Variants in ADAMTSL1 observed in about 807,000 individuals in gnomAD.
ADAMTSL1 encodes the protein ADAMTS like 1.
In ADAMTSL1, 126 loss-of-function variants were observed where a neutral mutation model predicts 201.8. The ratio of observed to expected loss-of-function variants is 0.62; its 90% CI spans 0.54 to 0.72. The LOEUF (loss-of-function observed/expected upper bound fraction) is 0.72. Among genes scored for constraint, ADAMTSL1 ranks in the 30% least tolerant of loss-of-function variants. The pLI is 0.00. For synonymous variants in ADAMTSL1, 1,121 were observed against 903.4 expected, an observed-to-expected ratio of 1.24 and a Z score of -4.32; for missense variants, 2,679 against 2,277.8, an observed-to-expected ratio of 1.18 and a Z score of -3.59.
At chr9:18,737,319 C>CAAAAAAAAAA (rs59511409) in intron 15 of ADAMTSL1, among the ~76,000 whole-genome samples, 4 of 53,670 alleles carry the variant, frequency 7.5e-5, no homozygotes, top group East Asian at 6.2e-4. Context: ...AACTCTGTCT[C>CAAAAAAAAAA]AAAAAAAAAA....
rs1470837404 is a variant in ADAMTSL1 at position 17,973,016 on chromosome 9, T to G, written c.87+66094T>G. The stretch of plus-strand genomic sequence containing the variant: ...ACCCACTTTTTGATGGGGTTGTTTG[T>G]TTTTTTCTTGTAAATTTGTTTGAGT... On this transcript the variant is annotated intron_variant, in intron 1 of 29. Transcript: ENST00000680146. 2.1e-5 allele frequency among the ~76,000 whole-genome samples: 3 copies of G among 145,770 alleles called. No individual in the cohort carries two copies. In the Admixed American group the frequency reaches 2.1e-4, roughly 10 times the overall value.
chr9:17,957,279 C>A (rs1827968195), intron 1 of ADAMTSL1, among the ~76,000 whole-genome samples: 2 of 152,122 alleles, frequency 1.3e-5, no homozygotes, highest in South Asian at 4.2e-4. Context: ...GAGTTGACTC[C>A]CCAGAATTCT....
intron 4 of ADAMTSL1, among the ~76,000 whole-genome samples, chr9:18,594,467 G>A (rs1343710604): frequency 6.6e-6 from 1 of 151,916 alleles, no homozygotes; most frequent in Non-Finnish European, 1.5e-5. Context: ...TCAAATATTT[G>A]CTTTTTGATG....
At chr9:18,699,193 G>A (rs184588549) in intron 13 of ADAMTSL1, among the ~76,000 whole-genome samples, 2 of 152,250 alleles carry the variant, frequency 1.3e-5, no homozygotes, top group Admixed American at 6.5e-5. Context: ...AGACATTCAG[G>A]CATTCTTGCA....
Position 18,746,743 on chromosome 9 carries a change from C to T in ADAMTSL1, c.2007-6555C>T, listed in dbSNP as rs1819168088. ...GAGCAGAGGAGCAAAACCTTGGCAA[C>T]TCACATAATGAGCCCTTGTCCAAAG... is the stretch of plus-strand genomic sequence containing the variant. On this transcript the variant is annotated intron_variant, in intron 15 of 28. Transcript: ENST00000380548. Among the ~76,000 whole-genome samples the T allele has an allele frequency of 2.0e-5, 3 of 146,946 alleles. No individual in the cohort carries two copies. In the South Asian group the frequency reaches 6.5e-4, roughly 32 times the overall value.
intron 1 of ADAMTSL1, among the ~76,000 whole-genome samples, chr9:18,001,297 C>G (rs746732069): frequency 6.6e-6 from 1 of 151,752 alleles, no homozygotes; most frequent in African/African-American, 2.4e-5. Context: ...GAAATATTTC[C>G]CCTTCAAAGA....
At chr9:18,147,696 T>G (rs1826706595) in intron 1 of ADAMTSL1, among the ~76,000 whole-genome samples, 1 of 152,124 alleles carries the variant, frequency 6.6e-6, no homozygotes, top group Admixed American at 6.6e-5. Context: ...TGACCTATTC[T>G]TTTGTTCCAA....
At chr9:18,471,938 TCTGACCATG>T (rs1185458885), upstream of ADAMTSL1, among the ~76,000 whole-genome samples, 1 of 152,248 alleles carries the variant, frequency 6.6e-6, no homozygotes, top group African/African-American at 2.4e-5. Context: ...CCAGTTATTT[TCTGACCATG>T]CTGATTATTT....
chr9:18,355,326 A>G (rs1323561512), intron 2 of ADAMTSL1, among the ~76,000 whole-genome samples: 2 of 152,274 alleles, frequency 1.3e-5, no homozygotes, highest in African/African-American at 4.8e-5. Flanking sequence ...ATTTTTTATA[A>G]CAAGTCTAAA....
chr9:18,033,529 T>C (rs556884825), intron 1 of ADAMTSL1, among the ~76,000 whole-genome samples: 54 of 152,268 alleles, frequency 3.5e-4, no homozygotes, highest in African/African-American at 1.3e-3. Flanking sequence ...TCTAAAAAAC[T>C]GAAAAAAGGT....
intron 21 of ADAMTSL1, among the ~76,000 whole-genome samples, chr9:18,825,677 A>G (rs1824503031): frequency 6.6e-6 from 1 of 151,998 alleles, no homozygotes; most frequent in South Asian, 2.1e-4. Flanking sequence ...GACACAGAGC[A>G]TCGCCAGTGG....
intron 1 of ADAMTSL1, among the ~76,000 whole-genome samples, chr9:18,070,654 T>A (rs1015357756): frequency 3.9e-5 from 6 of 152,224 alleles, no homozygotes; most frequent in African/African-American, 1.4e-4. Context: ...GAAGATAAAA[T>A]CTTGGGAAAT....
intron 1 of ADAMTSL1, among the ~76,000 whole-genome samples, chr9:18,481,412 G>T (rs915720832): frequency 6.6e-6 from 1 of 151,770 alleles, no homozygotes; most frequent in Non-Finnish European, 1.5e-5. Context: ...GGGCATGGTG[G>T]CAGGCATCTA....
chr9:18,539,799 A>G (rs1820014531), intron 3 of ADAMTSL1, among the ~76,000 whole-genome samples: 1 of 152,198 alleles, frequency 6.6e-6, no homozygotes, highest in Non-Finnish European at 1.5e-5. Flanking sequence ...CTCTCAAGTT[A>G]TATGCATTGT....
At chr9:18,022,245 A>G (rs1438320535) in intron 1 of ADAMTSL1, among the ~76,000 whole-genome samples, 2 of 152,160 alleles carry the variant, frequency 1.3e-5, no homozygotes, top group African/African-American at 4.8e-5. Flanking sequence ...GAGCACTGCC[A>G]GTACCTCATG....
At chr9:17,996,784 C>T (rs1819399207) in intron 1 of ADAMTSL1, among the ~76,000 whole-genome samples, 1 of 152,060 alleles carries the variant, frequency 6.6e-6, no homozygotes, top group Admixed American at 6.6e-5. Context: ...CACCACCACC[C>T]CCTTTTGCAT....
Position 18,777,854 on chromosome 9 carries a change from AG to A in ADAMTSL1, c.3627del (p.Arg1209SerfsTer59). 1 of 1,587,640 alleles carries A rather than the reference AG, an allele frequency of 6.3e-7. No homozygotes were observed. The highest frequency in any genetic ancestry group is 8.6e-7 in the Non-Finnish European group (1 of 1,162,318). Reference protein sequence around the residue: ...LLHCEAIGHPRPTISWARNGE... With the variant: ...LLHCEAIGHPXPTISWARNGE... ...GCACTGTGAGGCCATCGGCCACCCA[AG>A]GCCTACCATCAGCTGGGCCAGGAAT... On this transcript the variant is annotated frameshift_variant, in exon 19 of 29. Transcript: ENST00000380548. LOFTEE classifies it high-confidence loss of function.
intron 5 of ADAMTSL1, among the ~76,000 whole-genome samples, chr9:18,628,327 C>A (rs10811000): frequency 6.6e-6 from 1 of 151,928 alleles, no homozygotes; most frequent in Non-Finnish European, 1.5e-5. Context: ...CTTCCAGTAC[C>A]ATTTGTTGAA....
intron 15 of ADAMTSL1, chr9:18,723,337 C>T: frequency 1.9e-6 from 1 of 517,502 alleles, no homozygotes; most frequent in Non-Finnish European, 3.5e-6. Flanking sequence ...GTCTTTCTAA[C>T]CACATTCCTG....
Sources: allele counts gnomAD v4.1 joint callset (sites outside exome capture counted in the v4.1 genomes callset), GRCh38; gene constraint gnomAD v4.1.1; transcripts MANE v1.5; gene names NCBI Gene and HGNC (gene_info 2026-07-23, HGNC 2026-07-21).